OTOGL: variants seen among roughly 807,000 people sequenced by gnomAD.
OTOGL encodes otogelin like, also known as otogelin-like protein.
Under a neutral mutation model 318.5 loss-of-function variants are expected in OTOGL, and 285 were observed. That is an observed-to-expected ratio of 0.89 (90% CI 0.81 to 0.99). OTOGL has a LOEUF of 0.99. Among genes scored for constraint, OTOGL ranks in the 50% least tolerant of loss-of-function variants. The probability of loss-of-function intolerance (pLI) is 0.00; values close to 1 mark genes in which losing one functional copy is unlikely to be tolerated. For missense variants in OTOGL, 2,899 were observed against 2,845.6 expected, an observed-to-expected ratio of 1.02 and a Z score of -0.43; for synonymous variants, 987 against 936.5, an observed-to-expected ratio of 1.05 and a Z score of -0.99.
chr12:80,194,315 C>T (rs1324234788), intron 1 of OTOGL, among the ~76,000 whole-genome samples: 2 of 152,130 alleles, frequency 1.3e-5, no homozygotes, highest in African/African-American at 2.4e-5. Flanking sequence ...TCTCCAATAA[C>T]CCAATAATTC....
intron 1 of OTOGL, among the ~76,000 whole-genome samples, chr12:80,150,870 TA>T (rs1367010483): frequency 1.3e-5 from 2 of 152,338 alleles, no homozygotes; most frequent in East Asian, 3.9e-4. Flanking sequence ...TATTTACTTT[TA>T]AAAGCAATTT....
chr12:80,132,428 A>G (rs188884610), intron 1 of OTOGL: 39 of 152,200 alleles, frequency 2.6e-4, no homozygotes, highest in African/African-American at 8.2e-4. Context: ...GTACTGAACT[A>G]TTTTTCTCCT....
intron 24 of OTOGL, among the ~76,000 whole-genome samples, chr12:80,272,886 G>A (rs1232091266): frequency 6.6e-6 from 1 of 152,024 alleles, no homozygotes; most frequent in Non-Finnish European, 1.5e-5. Context: ...GTAGAAATAA[G>A]GCCATAGAGC....
chr12:80,300,525 C>T lies in OTOGL; in HGVS notation c.3064-2109C>T, dbSNP rs527682189. On this transcript the variant is annotated intron_variant, in intron 27 of 58. Transcript: ENST00000547103. The stretch of plus-strand genomic sequence containing the variant: ...CTCATTGAACTTCACTGACAAAACA[C>T]GAATTCACAGGTAAAATTAGAATTT... Among the ~76,000 whole-genome samples, 12 of 152,194 alleles carry T rather than the reference C, an allele frequency of 7.9e-5. No individual in the cohort carries two copies. In the East Asian group the frequency reaches 1.2e-3, roughly 15 times the overall value.
rs191812015 is a variant in OTOGL at position 80,157,731 on chromosome 12, G to A, written c.-19-51682G>A. 3.1e-3 allele frequency among the ~76,000 whole-genome samples: 470 copies of A among 152,178 alleles called. 10 individuals carry two copies. The highest frequency in any genetic ancestry group is 0.024 in the Admixed American group (363 of 15,276). ...TGGCACCTTTGTGAAAAATCAGTTC[G>A]CTGTAGGTGTGTGGATTTGTTTCTG... On this transcript the variant is annotated intron_variant, in intron 1 of 58. Transcript: ENST00000547103.
chr12:80,336,651 G>A, intron 40 of OTOGL, 96 bp downstream of exon 40: 1 of 1,454,846 alleles, frequency 6.9e-7, no homozygotes, highest in Non-Finnish European at 9.4e-7. Context: ...GGGAGCTCAA[G>A]AACTCACTGA....
chr12:80,185,540 T>C (rs1387600648), intron 1 of OTOGL, among the ~76,000 whole-genome samples: 1 of 152,210 alleles, frequency 6.6e-6, no homozygotes, highest in Admixed American at 6.5e-5. Flanking sequence ...CCACTCACCT[T>C]GGCCTCCGAA....
At chr12:80,201,284 C>T (rs1876434919) in intron 1 of OTOGL, among the ~76,000 whole-genome samples, 1 of 152,158 alleles carries the variant, frequency 6.6e-6, no homozygotes, top group African/African-American at 2.4e-5. Flanking sequence ...TTATTTCGCT[C>T]TTGGTTTTTC....
At chr12:80,370,945 A>T in intron 56 of OTOGL, 1 of 204,834 alleles carries the variant, frequency 4.9e-6, no homozygotes, top group African/African-American at 2.3e-5. Flanking sequence ...ATTATAGAAA[A>T]ATCATTTGGT....
intron 1 of OTOGL, among the ~76,000 whole-genome samples, chr12:80,160,432 G>A (rs1873431913): frequency 6.6e-6 from 1 of 152,040 alleles, no homozygotes; most frequent in Non-Finnish European, 1.5e-5. Context: ...CTAAGGACAT[G>A]AATAAGCAAT....
intron 31 of OTOGL, 142 bp downstream of exon 31, chr12:80,313,774 C>T (rs1411013419): frequency 3.0e-6 from 2 of 657,120 alleles, no homozygotes; most frequent in Admixed American, 3.6e-5. Context: ...ATTCCTTTGA[C>T]AATCATAAAT....
At chr12:80,343,536 T>TTTTTTTTTTTTTTTTTTTTA (rs1565999871) in intron 44 of OTOGL, 1 of 123,972 alleles carries the variant, frequency 8.1e-6, no homozygotes, top group Non-Finnish European at 1.7e-5. Flanking sequence ...TTTTTTTTTT[T>TTTTTTTTTTTTTTTTTTTTA]AACTTTCTTT....
intron 32 of OTOGL, among the ~76,000 whole-genome samples, chr12:80,315,093 AG>A (rs1353232287): frequency 4.6e-5 from 7 of 152,176 alleles, no homozygotes; most frequent in Non-Finnish European, 7.4e-5. Flanking sequence ...GGGCAGGGAA[AG>A]GGCAGATGTT....
intron 6 of OTOGL, among the ~76,000 whole-genome samples, chr12:80,221,313 G>A (rs1041042378): frequency 1.4e-5 from 2 of 147,832 alleles, no homozygotes; most frequent in Admixed American, 1.4e-4. Flanking sequence ...CACCAAGGCT[G>A]GAGTACAGTG....
chr12:80,186,653 A>T lies in OTOGL; in HGVS notation c.-19-22760A>T, dbSNP rs537265161. Among the ~76,000 whole-genome samples, 42 of 152,014 alleles carry T rather than the reference A, an allele frequency of 2.8e-4. No homozygotes were observed. In the South Asian group the frequency reaches 7.7e-3, roughly 28 times the overall value. Reference sequence around the variant, plus strand: ...GACGTATCGCTCACCACTCCCAAACACATGGCAATGTTTTAACTGCTCTCC... The same window carrying T: ...GACGTATCGCTCACCACTCCCAAACTCATGGCAATGTTTTAACTGCTCTCC... On this transcript the variant is annotated intron_variant, in intron 1 of 58. Coordinates refer to ENST00000547103, the MANE Select transcript of OTOGL (RefSeq NM_001378609.3).
At chr12:80,247,031 G>T (rs1352761194) in intron 11 of OTOGL, among the ~76,000 whole-genome samples, 2 of 89,582 alleles carry the variant, frequency 2.2e-5, no homozygotes, top group Non-Finnish European at 4.2e-5. Context: ...ATTTTTTATT[G>T]TGTCTATTTG....
chr12:80,258,064 C>T, intron 18 of OTOGL, 62 bp downstream of exon 18: 1 of 1,359,232 alleles, frequency 7.4e-7, no homozygotes, highest in Non-Finnish European at 9.6e-7. Context: ...GATATAAATT[C>T]ATTAAAAATG....
At chr12:80,164,779 C>G (rs1239252968) in intron 1 of OTOGL, among the ~76,000 whole-genome samples, 1 of 152,128 alleles carries the variant, frequency 6.6e-6, no homozygotes, top group Admixed American at 6.5e-5. Flanking sequence ...CTGAGATGAC[C>G]CAGTGTACTA....
At chr12:80,214,151 T>G (rs570855310) in intron 4 of OTOGL, among the ~76,000 whole-genome samples, 2 of 152,236 alleles carry the variant, frequency 1.3e-5, no homozygotes, top group African/African-American at 4.8e-5. Context: ...GGGACTTTTT[T>G]GCATTGGCAT....
Sources: allele counts gnomAD v4.1 joint callset (sites outside exome capture counted in the v4.1 genomes callset), GRCh38; gene constraint gnomAD v4.1.1; transcripts MANE v1.5; gene names NCBI Gene and HGNC (gene_info 2026-07-23, HGNC 2026-07-21).